Variants in HDAC5 observed in about 807,000 individuals in gnomAD.
HDAC5 encodes histone deacetylase 5.
HDAC5 carries 25 observed loss-of-function variants against 133.3 expected under a neutral mutation model. That is an observed-to-expected ratio of 0.19 (90% CI 0.14 to 0.26). The LOEUF is 0.26. Ranked by LOEUF, HDAC5 falls within the 10% of genes least tolerant of loss-of-function variation. The pLI is 1.00. For synonymous variants in HDAC5, 589 were observed against 610.8 expected (o/e 0.96, Z 0.53); for missense variants, 1,041 against 1,460.5 (o/e 0.71, Z 4.68).
intron 6 of HDAC5, 44 bp downstream of exon 6, chr17:44,093,048 G>C: frequency 7.0e-7 from 1 of 1,429,594 alleles, no homozygotes; most frequent in Non-Finnish European, 9.6e-7. Context: ...GGCAGCCCCT[G>C]AGCGGCTCAC....
chr17:44,093,154 C>T lies in HDAC5; in HGVS notation c.579G>A (p.Ser193=), dbSNP rs1481818318. The change falls in exon 6 of 27, where the codon TCG becomes TCA. Residue 193 remains serine (S), a synonymous_variant. Coordinates refer to ENST00000682912, the MANE Select transcript of HDAC5 (RefSeq NM_005474.5). ...VKLRLQEFLL[S]KSKEPTPGGL... is the part of the protein sequence containing the mutation. ...CGCCTGGTGTGGGCTCCTTTGACTTCGACAAGAGGAATTCCTGGAGCCTCA... is the reference window on the plus strand; with the variant it reads ...CGCCTGGTGTGGGCTCCTTTGACTTTGACAAGAGGAATTCCTGGAGCCTCA... The T allele has an allele frequency of 6.2e-7, 1 of 1,613,720 alleles. No homozygotes were observed. Among genetic ancestry groups the T allele is most frequent in the African/African-American group, 1.3e-5 (1 of 74,902 alleles).
intron 20 of HDAC5, chr17:44,082,155 C>T (rs1020747979): frequency 2.4e-5 from 4 of 166,860 alleles, no homozygotes; most frequent in African/African-American, 9.6e-5. Context: ...CGCAACAACA[C>T]CTTTGTTCAC....
rs747991628 is a variant in HDAC5, at chr17:44,092,545, G to A, written c.773-18C>T. ...TTCAGAGGCTGGAGAGAAGGTAACC[G>A]AGGTTCAGATACGCGCACAGCAGCA... On this transcript the variant is annotated intron_variant, in intron 7 of 26. Transcript: ENST00000682912. 1.6e-5 allele frequency: 26 copies of A among 1,609,412 alleles called. No individual in the cohort carries two copies. The highest frequency in any genetic ancestry group is 2.2e-5 in the South Asian group (2 of 90,922).
chr17:44,109,394 C>G (rs2143546927), intron 3 of HDAC5, among the ~76,000 whole-genome samples: 1 of 152,268 alleles, frequency 6.6e-6, no homozygotes, highest in African/African-American at 2.4e-5. Flanking sequence ...GCATACGCCC[C>G]TACCTCAGGG....
In HDAC5 at chr17:44,092,419, T is replaced by C. The variant is rs772162043; in HGVS notation, c.881A>G (p.Lys294Arg). Residue 294 changes from lysine (K) to arginine (R), a missense_variant, in exon 8 of 27, where the codon AAG becomes AGG. Around this residue, in one of 9 missense-constraint regions of HDAC5, gnomAD observed 433 missense variants for 531.6 expected, o/e 0.81. Coordinates refer to ENST00000682912, the MANE Select transcript of HDAC5 (RefSeq NM_005474.5). ...RKDGTVISTF[K>R]KRAVEITGAG... ...ACCTGTGATCTCAACAGCTCTCTTC[T>C]TAAAGGTGCTAATAACAGTCCCATC... The C allele has an allele frequency of 1.9e-6, 3 of 1,613,990 alleles. No homozygotes were observed. The highest frequency in any genetic ancestry group is 1.1e-5 in the South Asian group (1 of 91,084).
At chr17:44,085,277 A>C in intron 14 of HDAC5, 122 bp from the exon 15 acceptor site, 36 of 947,312 alleles carry the variant, frequency 3.8e-5, no homozygotes, top group Middle Eastern at 3.4e-4. Context: ...ACACCTCCCC[A>C]TGGCCACTGC....
In HDAC5 at chr17:44,086,595, G is replaced by A; in HGVS notation, c.2027C>T (p.Pro676Leu). Residue 676 changes from proline to leucine, a missense_variant, in exon 14 of 27, where the codon CCC becomes CTC. Around this residue, in one of 9 missense-constraint regions of HDAC5, gnomAD observed 433 missense variants for 531.6 expected, o/e 0.81. Transcript: ENST00000682912. ...PGGMKSPPDQPVKHLFTTGVV... is the reference protein window; with the variant it reads ...PGGMKSPPDQLVKHLFTTGVV... The stretch of plus-strand genomic sequence containing the variant: ...ACCTGTGGTGAAGAGGTGCTTGACG[G>A]GCTGGTCTGGGGGGCTCTTCATGCC... 2 of 1,304,522 alleles carry A rather than the reference G, an allele frequency of 1.5e-6. No homozygotes were observed. The highest frequency in any genetic ancestry group is 2.8e-5 in the East Asian group (1 of 35,450). 80.8% of individuals were successfully genotyped at this position (1,304,522 alleles called of 1,614,324 possible).
intron 3 of HDAC5, among the ~76,000 whole-genome samples, chr17:44,102,592 C>T (rs2051679798): frequency 6.6e-6 from 1 of 151,902 alleles, no homozygotes; most frequent in Non-Finnish European, 1.5e-5. Flanking sequence ...AACTCTTGAC[C>T]TCGTGATCCG....
intron 3 of HDAC5, among the ~76,000 whole-genome samples, chr17:44,099,341 TC>T: frequency 6.6e-6 from 1 of 152,236 alleles, no homozygotes; most frequent in East Asian, 1.9e-4. Context: ...ACCTTCCTTC[TC>T]CTGGGAGTGG....
chr17:44,113,440 C>G (rs1344057611), intron 2 of HDAC5, among the ~76,000 whole-genome samples: 1 of 152,190 alleles, frequency 6.6e-6, no homozygotes, highest in East Asian at 1.9e-4. Flanking sequence ...CCCTCCAAGG[C>G]AATAAGAGAG....
rs368665889 is a variant in HDAC5, at chr17:44,079,530, C to G, written c.2945-253G>C. ...TGGCACGCGCCTGTAATCCCAGCTA[C>G]TTGGGAGGCTGAGGCAGGAGGATGG... On this transcript the variant is annotated intron_variant, in intron 23 of 26. Coordinates refer to ENST00000682912, the MANE Select transcript of HDAC5 (RefSeq NM_005474.5). Among the ~76,000 whole-genome samples, 11 of 148,806 alleles carry G rather than the reference C, an allele frequency of 7.4e-5. No homozygotes were observed. In the East Asian group the frequency reaches 8.1e-4, roughly 11 times the overall value.
intron 11 of HDAC5, 46 bp downstream of exon 11, chr17:44,091,224 G>A (rs777653766): frequency 2.1e-6 from 3 of 1,428,896 alleles, no homozygotes; most frequent in Non-Finnish European, 1.9e-6. Context: ...CTGACAGTTG[G>A]TCCTGACCTT....
Position 44,078,403 on chromosome 17 carries a change from C to A in HDAC5, c.3342G>T (p.Glu1114Asp). The A allele has an allele frequency of 6.5e-7, 1 of 1,528,932 alleles. No individual in the cohort carries two copies. The highest frequency in any genetic ancestry group is 8.8e-7 in the Non-Finnish European group (1 of 1,137,314). The allele number at this position is 1,528,932 out of a possible 1,614,324, so 94.7% of individuals were successfully genotyped here. Reference protein sequence around the residue: ...AREHSPRPAEEPMEQEPAL With the variant: ...AREHSPRPAEDPMEQEPAL Reference sequence around the variant, plus strand: ...ACAGGGCAGGCTCCTGCTCCATGGGCTCCTCTGCCGGCCTGTGGGGCAAGC... The same window carrying A: ...ACAGGGCAGGCTCCTGCTCCATGGGATCCTCTGCCGGCCTGTGGGGCAAGC... The change falls in exon 27 of 27, where the codon GAG becomes GAT. Residue 1114 changes from glutamate to aspartate, a missense_variant. Transcript: ENST00000682912.
chr17:44,093,936 G>C, intron 3 of HDAC5, 102 bp from the exon 4 acceptor site: 1 of 1,376,204 alleles, frequency 7.3e-7, no homozygotes. Context: ...GAGACCCAAA[G>C]AGAACAGAGA....
At chr17:44,081,021 A>G in intron 20 of HDAC5, 139 bp from the exon 21 acceptor site, 1 of 1,111,898 alleles carries the variant, frequency 9.0e-7, no homozygotes, top group Non-Finnish European at 1.3e-6. Flanking sequence ...GGATCGCTTG[A>G]GCCCAGGACT....
At chr17:44,104,236 G>A (rs890797677) in intron 3 of HDAC5, among the ~76,000 whole-genome samples, 6 of 152,024 alleles carry the variant, frequency 3.9e-5, no homozygotes, top group African/African-American at 7.2e-5. Context: ...ACCCAGAGGC[G>A]GAGGTTGCAG....
At chr17:44,082,311 G>A in intron 20 of HDAC5, 1 of 515,356 alleles carries the variant, frequency 1.9e-6, no homozygotes, top group South Asian at 2.4e-5. Context: ...GTTCAAGGTA[G>A]GAAATCCCCT....
intron 2 of HDAC5, chr17:44,111,246 A>G (rs1211881825): frequency 1.4e-5 from 4 of 288,454 alleles, no homozygotes; most frequent in African/African-American, 2.2e-5. Flanking sequence ...CGCCGCCGGC[A>G]GCTGGCAGGA....
chr17:44,085,274 C>T, intron 14 of HDAC5, 119 bp from the exon 15 acceptor site: 6 of 1,033,088 alleles, frequency 5.8e-6, no homozygotes, highest in Non-Finnish European at 7.9e-6. Context: ...CAAACACCTC[C>T]CCATGGCCAC....
Sources: allele counts gnomAD v4.1 joint callset (sites outside exome capture counted in the v4.1 genomes callset), GRCh38; gene constraint gnomAD v4.1.1; regional missense constraint gnomAD v4.1.1; transcripts MANE v1.5; gene names NCBI Gene and HGNC (gene_info 2026-07-23, HGNC 2026-07-21).